The following EGFR variants were observed in gnomAD, a reference collection of about 807,000 sequenced individuals.
EGFR encodes the protein epidermal growth factor receptor, also known as avian erythroblastic leukemia viral (v-erb-b) oncogene homolog.
In EGFR, 58 loss-of-function variants were observed where a neutral mutation model predicts 143.0. The ratio of observed to expected loss-of-function variants is 0.41; its 90% CI spans 0.33 to 0.50. The LOEUF is 0.50. Ranked by LOEUF, EGFR falls within the 20% of genes least tolerant of loss-of-function variation. The pLI is 0.39. For synonymous variants in EGFR, 613 were observed against 594.4 expected (o/e 1.03, Z -0.45); for missense variants, 1,307 against 1,579.0 (o/e 0.83, Z 2.92).
intron 1 of EGFR, among the ~76,000 whole-genome samples, chr7:55,056,496 A>G (rs769618697): frequency 1.4e-4 from 21 of 152,212 alleles, no homozygotes; most frequent in Non-Finnish European, 2.2e-4. Flanking sequence ...TGCGGTTCCC[A>G]TTTCACATAT....
At chr7:55,067,995 T>C (rs1562686231) in intron 1 of EGFR, among the ~76,000 whole-genome samples, 1 of 151,024 alleles carries the variant, frequency 6.6e-6, no homozygotes, top group Non-Finnish European at 1.5e-5. Context: ...TGTGTGTATA[T>C]GTGTGTCTGT....
At chr7:55,107,672 G>C (rs926155759) in intron 1 of EGFR, among the ~76,000 whole-genome samples, 1 of 152,190 alleles carries the variant, frequency 6.6e-6, no homozygotes, top group African/African-American at 2.4e-5. Flanking sequence ...GAGCACATTT[G>C]ACTTCCAAAT....
rs2017000 is a variant in EGFR, at chr7:55,174,916, A to G, written c.2283+96A>G. Reference sequence around the variant, plus strand: ...AGCTGCTCTGCTCTAGACCCTGCTCATCTCCACATCCTAAATGTTCACTTT... The same window carrying G: ...AGCTGCTCTGCTCTAGACCCTGCTCGTCTCCACATCCTAAATGTTCACTTT... On this transcript the variant is annotated intron_variant, in intron 19 of 27. Coordinates refer to ENST00000275493, the MANE Select transcript of EGFR (RefSeq NM_005228.5). 0.31 allele frequency: 281,561 copies of G among 918,832 alleles called. 47,664 individuals are homozygous for G. The highest frequency in any genetic ancestry group is 0.64 in the East Asian group (25,526 of 40,184). 56.9% of individuals were successfully genotyped at this position (918,832 alleles called of 1,614,324 possible).
intron 1 of EGFR, among the ~76,000 whole-genome samples, chr7:55,049,121 A>G (rs1003001081): frequency 6.6e-6 from 1 of 152,226 alleles, no homozygotes; most frequent in African/African-American, 2.4e-5. Context: ...TTGCTGATGC[A>G]ATACAGTTTT....
chr7:55,155,967 C>G (rs200477342), intron 8 of EGFR, 21 bp downstream of exon 8: 1 of 1,580,226 alleles, frequency 6.3e-7, no homozygotes, highest in Non-Finnish European at 8.7e-7. Context: ...CGCCGGTGTG[C>G]GGACGAGGCT....
intron 1 of EGFR, among the ~76,000 whole-genome samples, chr7:55,112,356 G>A (rs927006983): frequency 7.2e-5 from 11 of 152,264 alleles, no homozygotes; most frequent in African/African-American, 2.4e-4. Context: ...GGCCAACCAT[G>A]AGCACACAGC....
chr7:55,107,256 GGT>G (rs1168266597), intron 1 of EGFR, among the ~76,000 whole-genome samples: 6 of 152,104 alleles, frequency 3.9e-5, no homozygotes, highest in Non-Finnish European at 8.8e-5. Flanking sequence ...CCTGATAGTA[GGT>G]GTGTACTTTT....
chr7:55,196,686 T>G (rs1787632543), intron 22 of EGFR, among the ~76,000 whole-genome samples: 1 of 152,202 alleles, frequency 6.6e-6, no homozygotes, highest in African/African-American at 2.4e-5. Flanking sequence ...CATGTTGAGT[T>G]TATTTTTGTG....
chr7:55,051,849 C>A (rs1296224613), intron 1 of EGFR, among the ~76,000 whole-genome samples: 1 of 152,186 alleles, frequency 6.6e-6, no homozygotes, highest in East Asian at 1.9e-4. Flanking sequence ...CTCCTCAGAG[C>A]TTTTGCAAAA....
chr7:55,060,527 A>G (rs904081379), intron 1 of EGFR, among the ~76,000 whole-genome samples: 1 of 152,146 alleles, frequency 6.6e-6, no homozygotes, highest in African/African-American at 2.4e-5. Context: ...TTTTCCTTCC[A>G]TCTTTGCTTG....
In EGFR at chr7:55,125,585, T is replaced by TACA. The variant is rs545650862; in HGVS notation, c.89-16700_89-16699insCAA. On this transcript the variant is annotated intron_variant, in intron 1 of 27. Transcript: ENST00000275493. ...CTACAGCTTGTACATCTCAAGAAGTTATGTAATTAAACTGTCTGTTTTGAG... is the reference window on the plus strand; with the variant it reads ...CTACAGCTTGTACATCTCAAGAAGTTACAATGTAATTAAACTGTCTGTTTTGAG... Among the ~76,000 whole-genome samples the TACA allele has an allele frequency of 3.3e-5, 5 of 152,342 alleles. No individual in the cohort carries two copies. The South Asian group carries it at 1.0e-3, about 32-fold the overall frequency.
rs77091114 is a variant in EGFR at position 55,068,713 on chromosome 7, G to T, written c.88+49348G>T. Among the ~76,000 whole-genome samples the T allele has an allele frequency of 3.9e-3, 588 of 152,306 alleles. 10 individuals are homozygous for T. Among genetic ancestry groups the T allele is most frequent in the Non-Finnish European group, 1.2e-3 (81 of 68,038 alleles). ...GCTGAAGTATTGAGAACGCTCCAGT[G>T]ACCGGGAGGCAATAGTCTGTCCACA... is the stretch of plus-strand genomic sequence containing the variant. On this transcript the variant is annotated intron_variant, in intron 1 of 27. Coordinates refer to ENST00000275493, the MANE Select transcript of EGFR (RefSeq NM_005228.5).
intron 10 of EGFR, among the ~76,000 whole-genome samples, chr7:55,157,456 G>A (rs1168574407): frequency 6.6e-6 from 1 of 152,254 alleles, no homozygotes; most frequent in East Asian, 1.9e-4. Context: ...CGCAGCGGAA[G>A]GCGGGAGGCA....
At chr7:55,177,678 C>T (rs1292897028) in intron 19 of EGFR, among the ~76,000 whole-genome samples, 1 of 152,230 alleles carries the variant, frequency 6.6e-6, no homozygotes, top group Non-Finnish European at 1.5e-5. Flanking sequence ...AAAGTCATGT[C>T]AGCAGTTAGG....
At chr7:55,024,475 C>T (rs1168094154) in intron 1 of EGFR, among the ~76,000 whole-genome samples, 1 of 152,116 alleles carries the variant, frequency 6.6e-6, no homozygotes, top group Non-Finnish European at 1.5e-5. Flanking sequence ...TCTGGAACTT[C>T]TCATTAACAA....
chr7:55,089,483 G>A (rs527624823), intron 1 of EGFR, among the ~76,000 whole-genome samples: 1 of 152,256 alleles, frequency 6.6e-6, no homozygotes, highest in South Asian at 2.1e-4. Context: ...TTCCACATCT[G>A]TCCTTCCATT....
Position 55,211,227 on chromosome 7 carries a change from C to T in EGFR, c.*5610C>T, listed in dbSNP as rs1046978280. On this transcript the variant is annotated 3_prime_UTR_variant, in exon 28 of 28. Coordinates refer to ENST00000275493, the MANE Select transcript of EGFR (RefSeq NM_005228.5). ...GTGCATACATTTCTGGATGCATTTA[C>T]TTATCTTTAAAAAAAAAGGAATCCT... The T allele has an allele frequency of 3.3e-5, 5 of 151,710 alleles. No homozygotes were observed. The highest frequency in any genetic ancestry group is 7.4e-5 in the Non-Finnish European group (5 of 68,018). The allele number at this position is 151,710 out of a possible 1,614,324, so 9.4% of individuals were successfully genotyped here.
chr7:55,156,144 C>A (rs1186494255), intron 8 of EGFR, among the ~76,000 whole-genome samples, 198 bp downstream of exon 8: 2 of 152,224 alleles, frequency 1.3e-5, no homozygotes, highest in Non-Finnish European at 2.9e-5. Flanking sequence ...GGGTGGGGGG[C>A]TCTGATGAGA....
chr7:55,036,278 G>C (rs1249543704), intron 1 of EGFR, among the ~76,000 whole-genome samples: 1 of 94,802 alleles, frequency 1.1e-5, no homozygotes, highest in Non-Finnish European at 2.2e-5. Flanking sequence ...GTGTGGGGGG[G>C]GGGGGGTGGG....
Sources: gnomAD v4.1 joint callset for allele counts (sites outside exome capture counted in the v4.1 genomes callset) on GRCh38, gnomAD v4.1.1 for gene constraint, MANE v1.5 for transcripts, NCBI Gene and HGNC (gene_info 2026-07-23, HGNC 2026-07-21) for gene names.